The following ARHGAP6 variants were observed in gnomAD, a reference collection of about 807,000 sequenced individuals.
The protein encoded by ARHGAP6 is Rho GTPase activating protein 6.
In ARHGAP6, 16 loss-of-function variants were observed where a neutral mutation model predicts 55.7. The ratio of observed to expected loss-of-function variants is 0.29; its 90% CI spans 0.19 to 0.44. The LOEUF (loss-of-function observed/expected upper bound fraction) is 0.44. Among genes scored for constraint, ARHGAP6 ranks in the 20% least tolerant of loss-of-function variants. The pLI, the probability that ARHGAP6 is intolerant of heterozygous loss-of-function variation, is 1.00. For missense variants in ARHGAP6, 698 were observed against 808.9 expected, an observed-to-expected ratio of 0.86 and a Z score of 1.66; for synonymous variants, 382 against 360.9, an observed-to-expected ratio of 1.06 and a Z score of -0.66.
intron 2 of ARHGAP6, among the ~76,000 whole-genome samples, chrX:11,249,897 C>A (rs2147476618): frequency 9.0e-6 from 1 of 111,218 alleles, no homozygotes; most frequent in Non-Finnish European, 1.9e-5. Context: ...AAATATATAT[C>A]TACCTATGTT....
intron 1 of ARHGAP6, among the ~76,000 whole-genome samples, chrX:11,308,063 TAG>T (rs997713247): frequency 1.8e-5 from 2 of 112,372 alleles, no homozygotes; most frequent in African/African-American, 6.5e-5. Flanking sequence ...GTGCACATGA[TAG>T]AGAGAGGAAG....
At chrX:11,593,261 A>AATAC in intron 1 of ARHGAP6, among the ~76,000 whole-genome samples, 1 of 111,919 alleles carries the variant, frequency 8.9e-6, no homozygotes, top group East Asian at 2.8e-4. Context: ...GAGAAGGAGA[A>AATAC]ATACGACCTT....
intron 10 of ARHGAP6, among the ~76,000 whole-genome samples, chrX:11,154,326 TA>T (rs1474649279): frequency 8.9e-6 from 1 of 111,961 alleles, no homozygotes; most frequent in African/African-American, 3.3e-5. Flanking sequence ...TTCTACTTCT[TA>T]CTCTTACGGA....
chrX:11,457,206 G>A (rs2050201464), intron 1 of ARHGAP6, among the ~76,000 whole-genome samples: 2 of 111,689 alleles, frequency 1.8e-5, no homozygotes, highest in Non-Finnish European at 3.8e-5. Context: ...AGACACCTGA[G>A]TCCAAGATCA....
At chrX:11,314,781 T>A (rs183010619) in intron 1 of ARHGAP6, among the ~76,000 whole-genome samples, 7 of 111,300 alleles carry the variant, frequency 6.3e-5, no homozygotes, top group Admixed American at 4.8e-4. Context: ...ACTGGGGACC[T>A]CTCAGAAGGT....
chrX:11,441,941 A>G (rs1434001261), intron 1 of ARHGAP6, among the ~76,000 whole-genome samples: 1 of 110,105 alleles, frequency 9.1e-6, no homozygotes, highest in Non-Finnish European at 1.9e-5. Context: ...TTTGAAATAT[A>G]TATACACACA....
chrX:11,629,830 C>G (rs2147174076), intron 1 of ARHGAP6, among the ~76,000 whole-genome samples: 1 of 111,544 alleles, frequency 9.0e-6, no homozygotes, highest in East Asian at 2.8e-4. Flanking sequence ...AGCTTCTGCT[C>G]TTAACTTACA....
intron 1 of ARHGAP6, among the ~76,000 whole-genome samples, chrX:11,513,913 G>A (rs1309370776): frequency 2.7e-5 from 3 of 110,274 alleles, no homozygotes; most frequent in African/African-American, 9.9e-5. Context: ...CATAATCCCA[G>A]CATTTTGGGA....
intron 1 of ARHGAP6, among the ~76,000 whole-genome samples, chrX:11,655,286 C>T (rs1401782487): frequency 4.5e-5 from 5 of 111,982 alleles, no homozygotes; most frequent in Non-Finnish European, 7.5e-5. Context: ...TTCATCTATC[C>T]GTTGATGAAT....
At chrX:11,397,873 G>C (rs1569328655) in intron 1 of ARHGAP6, among the ~76,000 whole-genome samples, 1 of 111,911 alleles carries the variant, frequency 8.9e-6, no homozygotes, top group Non-Finnish European at 1.9e-5. Flanking sequence ...AACAGAGCAA[G>C]ACTCTGTCTC....
At chrX:11,620,118 A>C (rs946525940) in intron 1 of ARHGAP6, among the ~76,000 whole-genome samples, 2 of 112,266 alleles carry the variant, frequency 1.8e-5, no homozygotes, top group African/African-American at 6.5e-5. Context: ...AATTTTTATT[A>C]GTCTGATCAA....
chrX:11,237,145 A>G (rs939119745), intron 2 of ARHGAP6, among the ~76,000 whole-genome samples: 3 of 112,345 alleles, frequency 2.7e-5, no homozygotes, highest in Admixed American at 9.4e-5. Context: ...AAGCCCTTTT[A>G]AATTTCTTCA....
At chrX:11,228,004 C>T (rs762731743) in intron 2 of ARHGAP6, among the ~76,000 whole-genome samples, 1 of 110,660 alleles carries the variant, frequency 9.0e-6, no homozygotes, top group African/African-American at 3.3e-5. Context: ...TCAGTATTAA[C>T]ATACAACATT....
chrX:11,174,387 A>G lies in ARHGAP6; in HGVS notation c.1629+3713T>C, dbSNP rs185698536. On this transcript the variant is annotated intron_variant, in intron 8 of 12. Coordinates refer to ENST00000337414, the MANE Select transcript of ARHGAP6 (RefSeq NM_013427.3). ...TTTGCCTTGTGTCCTCACCTCCTCC[A>G]CCTCTTAGATGCCATTGTATCCTGA... Among the ~76,000 whole-genome samples, 463 of 110,767 alleles carry G rather than the reference A, an allele frequency of 4.2e-3. 4 individuals are homozygous for G. The highest frequency in any genetic ancestry group is 0.014 in the African/African-American group (439 of 30,420).
intron 1 of ARHGAP6, among the ~76,000 whole-genome samples, chrX:11,412,357 T>C (rs914464036): frequency 1.8e-4 from 20 of 111,956 alleles, no homozygotes; most frequent in Non-Finnish European, 3.8e-4. Flanking sequence ...GAACACATAT[T>C]GTTCATTTTA....
chrX:11,236,227 A>G (rs745968856), intron 2 of ARHGAP6, among the ~76,000 whole-genome samples: 13 of 111,935 alleles, frequency 1.2e-4, no homozygotes, highest in African/African-American at 4.2e-4. Flanking sequence ...CATTCTTCAC[A>G]TGGCAGCAGC....
intron 1 of ARHGAP6, among the ~76,000 whole-genome samples, chrX:11,346,289 G>A (rs375529174): frequency 2.7e-5 from 3 of 111,676 alleles, no homozygotes; most frequent in East Asian, 2.8e-4. Flanking sequence ...CAGTCCATTC[G>A]TTTGCATATT....
chrX:11,576,252 T>G (rs903714408), intron 1 of ARHGAP6, among the ~76,000 whole-genome samples: 2 of 112,011 alleles, frequency 1.8e-5, no homozygotes, highest in African/African-American at 6.5e-5. Flanking sequence ...TTATTAAAAA[T>G]TAGATTTGAG....
chrX:11,564,558 C>T (rs5979413), intron 1 of ARHGAP6, among the ~76,000 whole-genome samples: 14 of 109,623 alleles, frequency 1.3e-4, no homozygotes, highest in African/African-American at 4.6e-4. Flanking sequence ...CATCTGAACA[C>T]AGTAAAATTT....
Sources: allele counts gnomAD v4.1 joint callset (sites outside exome capture counted in the v4.1 genomes callset), GRCh38; gene constraint gnomAD v4.1.1; transcripts MANE v1.5; gene names NCBI Gene and HGNC (gene_info 2026-07-23, HGNC 2026-07-21).